MCPH1: variants seen among roughly 807,000 people sequenced by gnomAD.
MCPH1 encodes the protein microcephalin.
MCPH1 carries 104 observed loss-of-function variants against 84.5 expected under a neutral mutation model. The observed-to-expected ratio is 1.23, with a 90% CI of 1.05 to 1.45. The LOEUF (loss-of-function observed/expected upper bound fraction) is 1.45. Among genes scored for constraint, MCPH1 ranks in the 40% most tolerant of loss-of-function variants. The pLI, the probability that MCPH1 is intolerant of heterozygous loss-of-function variation, is 0.00. For missense variants in MCPH1, 1,498 were observed against 1,005.7 expected (o/e 1.49, Z -6.62); for synonymous variants, 514 against 366.8 (o/e 1.40, Z -4.58).
intron 12 of MCPH1, among the ~76,000 whole-genome samples, chr8:6,510,903 G>C (rs564213387): frequency 6.6e-6 from 1 of 152,312 alleles, no homozygotes; most frequent in South Asian, 2.1e-4. Context: ...TTTCAAAAGT[G>C]AGACTGGCCG....
At chr8:6,470,964 G>T (rs1291181727) in intron 9 of MCPH1, among the ~76,000 whole-genome samples, 1 of 152,202 alleles carries the variant, frequency 6.6e-6, no homozygotes, top group Non-Finnish European at 1.5e-5. Context: ...ATTCCAAAGG[G>T]AGTCATCTTA....
Position 6,647,894 on chromosome 8 carries a change from T to A in MCPH1, c.*4845T>A, listed in dbSNP as rs1312821932. ...CTTTTAATGGGTAAGCCTTAAGGCA[T>A]GTGAATTATACACCAATAAAGCTAT... On this transcript the variant is annotated 3_prime_UTR_variant, in exon 14 of 14. Transcript: ENST00000344683. The A allele has an allele frequency of 6.6e-6, 1 of 152,144 alleles. No homozygotes were observed. Among genetic ancestry groups the A allele is most frequent in the Non-Finnish European group, 1.5e-5 (1 of 68,034 alleles). 9.4% of individuals were successfully genotyped at this position (152,144 alleles called of 1,614,324 possible).
intron 12 of MCPH1, among the ~76,000 whole-genome samples, chr8:6,597,037 C>G (rs1053127835): frequency 1.3e-5 from 2 of 152,172 alleles, no homozygotes; most frequent in Admixed American, 1.3e-4. Flanking sequence ...TGCAATGGGG[C>G]CAGGTGGGCA....
rs77841461 is a variant in MCPH1, at chr8:6,472,274, A to G, written c.1936-5320A>G. On this transcript the variant is annotated intron_variant, in intron 9 of 13. Coordinates refer to ENST00000344683, the MANE Select transcript of MCPH1 (RefSeq NM_024596.5). The stretch of plus-strand genomic sequence containing the variant: ...TATTTTAGAGGGGACATAAACACCT[A>G]TGTATTAATAACATATATTTAACCT... Among the ~76,000 whole-genome samples the G allele has an allele frequency of 7.6e-3, 1,157 of 152,342 alleles. 9 individuals are homozygous for G. The highest frequency in any genetic ancestry group is 0.014 in the Non-Finnish European group (958 of 68,026).
rs1798321761 is a variant in MCPH1, at chr8:6,648,487, A to G, written c.*5438A>G. ...CTAGAACAAAAGTGGAATAAATAAAAACTAACTGTCTCATTTCAGCACTGG... is the reference window on the plus strand; with the variant it reads ...CTAGAACAAAAGTGGAATAAATAAAGACTAACTGTCTCATTTCAGCACTGG... On this transcript the variant is annotated 3_prime_UTR_variant, in exon 14 of 14. Coordinates refer to ENST00000344683, the MANE Select transcript of MCPH1 (RefSeq NM_024596.5). 1 of 142,866 alleles carries G rather than the reference A, an allele frequency of 7.0e-6. No individual in the cohort carries two copies. The highest frequency in any genetic ancestry group is 2.4e-4 in the South Asian group (1 of 4,174). The allele number at this position is 142,866 out of a possible 1,614,324, so 8.8% of individuals were successfully genotyped here. A position where few individuals can be genotyped will look rare whatever the true frequency, so the allele number is the denominator to read the frequency against.
chr8:6,423,587 C>T (rs995781035), intron 3 of MCPH1, among the ~76,000 whole-genome samples: 39 of 151,978 alleles, frequency 2.6e-4, no homozygotes, highest in African/African-American at 8.5e-4. Context: ...AAGCAGTGTC[C>T]TATTGGTGAT....
intron 12 of MCPH1, among the ~76,000 whole-genome samples, chr8:6,585,159 G>A (rs142073007): frequency 1.3e-4 from 20 of 152,300 alleles, no homozygotes; most frequent in South Asian, 4.1e-4. Context: ...GGACTTTTCC[G>A]TGGCTAATGA....
intron 9 of MCPH1, among the ~76,000 whole-genome samples, chr8:6,457,514 A>T (rs928079699): frequency 2.0e-5 from 3 of 151,658 alleles, no homozygotes; most frequent in Non-Finnish European, 4.4e-5. Context: ...CTGAGGTGGG[A>T]GAATCACCTG....
At position 6,444,374 on chromosome 8, in the gene MCPH1, C is replaced by G; in HGVS notation, c.671-19C>G. The G allele has an allele frequency of 6.2e-7, 1 of 1,613,760 alleles. No individual in the cohort carries two copies. The highest frequency in any genetic ancestry group is 8.5e-7 in the Non-Finnish European group (1 of 1,179,956). The stretch of plus-strand genomic sequence containing the variant: ...TTTAAACCACTTTTAAAAGTTAGCT[C>G]TCCGTTAATGTTTTCCAGATGAATA... On this transcript the variant is annotated intron_variant, in intron 7 of 13. Coordinates refer to ENST00000344683, the MANE Select transcript of MCPH1 (RefSeq NM_024596.5).
chr8:6,496,274 C>T (rs1364728962), intron 11 of MCPH1, among the ~76,000 whole-genome samples: 3 of 152,070 alleles, frequency 2.0e-5, no homozygotes, highest in East Asian at 3.9e-4. Flanking sequence ...CAATAGGGTT[C>T]GCAATTCTAT....
At chr8:6,613,354 C>T (rs994854697) in intron 12 of MCPH1, among the ~76,000 whole-genome samples, 6 of 152,282 alleles carry the variant, frequency 3.9e-5, no homozygotes, top group Admixed American at 3.3e-4. Flanking sequence ...GATTCACCCG[C>T]GGCGATGCCG....
chr8:6,445,180 A>C lies in MCPH1; in HGVS notation c.1458A>C (p.Lys486Asn). The C allele has an allele frequency of 7.4e-6, 12 of 1,614,250 alleles. No homozygotes were observed. The highest frequency in any genetic ancestry group is 1.0e-5 in the Non-Finnish European group (12 of 1,180,046). Residue 486 changes from lysine (K) to asparagine (N), a missense_variant, in exon 8 of 14, where the codon AAA becomes AAC. Transcript: ENST00000344683. ...FTAKTISSPR[K>N]TGNGEGRATS... ...CAAAAACCATCTCCAGTCCTCGGAA[A>C]ACTGGAAATGGTGAAGGCCGTGCAA...
chr8:6,499,144 T>A (rs1811671004), intron 11 of MCPH1, among the ~76,000 whole-genome samples: 1 of 152,150 alleles, frequency 6.6e-6, no homozygotes, highest in African/African-American at 2.4e-5. Flanking sequence ...ATTTTAGCTC[T>A]AAACTTCTGG....
intron 5 of MCPH1, among the ~76,000 whole-genome samples, chr8:6,436,813 C>A (rs1034452769): frequency 9.9e-5 from 15 of 151,552 alleles, no homozygotes; most frequent in African/African-American, 3.4e-4. Context: ...ACTAAAAATA[C>A]AAAAAAATTA....
chr8:6,529,161 T>G (rs763013439), intron 12 of MCPH1, among the ~76,000 whole-genome samples: 9 of 152,164 alleles, frequency 5.9e-5, no homozygotes, highest in Non-Finnish European at 1.0e-4. Context: ...CTGGAGAGCA[T>G]CAAACCGCTG....
chr8:6,617,208 TAC>T (rs1030652834), intron 12 of MCPH1: 1 of 149,506 alleles, frequency 6.7e-6, no homozygotes, highest in African/African-American at 2.5e-5. Context: ...GTAAAATGAA[TAC>T]ACTGTTGTTT....
intron 12 of MCPH1, among the ~76,000 whole-genome samples, chr8:6,606,828 A>G (rs1258767560): frequency 6.6e-6 from 1 of 152,180 alleles, no homozygotes; most frequent in African/African-American, 2.4e-5. Context: ...TAAGTGTCAT[A>G]AGAGCTGATG....
At chr8:6,523,227 G>T (rs1817699843) in intron 12 of MCPH1, among the ~76,000 whole-genome samples, 1 of 152,108 alleles carries the variant, frequency 6.6e-6, no homozygotes, top group Admixed American at 6.5e-5. Context: ...TCGATCTCCT[G>T]ACCTCGTGAT....
chr8:6,434,075 G>T (rs1012133057), intron 4 of MCPH1, among the ~76,000 whole-genome samples: 7 of 152,102 alleles, frequency 4.6e-5, no homozygotes, highest in Admixed American at 3.3e-4. Flanking sequence ...CCTGCCACCC[G>T]TTTATACCAG....
Sources: gnomAD v4.1 joint callset for allele counts (sites outside exome capture counted in the v4.1 genomes callset) on GRCh38, gnomAD v4.1.1 for gene constraint, MANE v1.5 for transcripts, NCBI Gene and HGNC (gene_info 2026-07-23, HGNC 2026-07-21) for gene names.